RELN: variants seen among roughly 807,000 people sequenced by gnomAD.
The protein encoded by RELN is reelin.
A neutral mutation model predicts 427.6 loss-of-function variants in RELN; 108 were observed. That is an observed-to-expected ratio of 0.25 (90% CI 0.22 to 0.30). The LOEUF is 0.30. Ranked by LOEUF, RELN falls within the 10% of genes least tolerant of loss-of-function variation. The pLI is 1.00. For missense variants in RELN, 3,715 were observed against 4,302.8 expected, an observed-to-expected ratio of 0.86 and a Z score of 3.82; for synonymous variants, 1,524 against 1,513.4, an observed-to-expected ratio of 1.01 and a Z score of -0.16.
intron 10 of RELN, among the ~76,000 whole-genome samples, chr7:103,689,992 T>G (rs1224336175): frequency 2.0e-5 from 3 of 152,124 alleles, no homozygotes; most frequent in African/African-American, 7.2e-5. Context: ...ACATTGAGCA[T>G]CCAGGGTTTT....
chr7:103,989,083 G>A lies in RELN; in HGVS notation c.226+48C>T, dbSNP rs748895846. The A allele has an allele frequency of 6.6e-7, 1 of 1,519,568 alleles. No individual in the cohort carries two copies. The highest frequency in any genetic ancestry group is 9.1e-7 in the Non-Finnish European group (1 of 1,096,730). 94.1% of individuals were successfully genotyped at this position (1,519,568 alleles called of 1,614,324 possible). A position where few individuals can be genotyped will look rare whatever the true frequency, so the allele number is the denominator to read the frequency against. ...AGGAAAGGGATGAGAAAGGTGCGCTGGCGGGCGCACCCGGCGGCGGCGAGC... is the reference window on the plus strand; with the variant it reads ...AGGAAAGGGATGAGAAAGGTGCGCTAGCGGGCGCACCCGGCGGCGGCGAGC... On this transcript the variant is annotated intron_variant, in intron 1 of 64. Coordinates refer to ENST00000428762, the MANE Select transcript of RELN (RefSeq NM_005045.4). This position sits in a 1 kb window ranked among gnomAD's most constrained non-coding sequence, Gnocchi z 4.9.
chr7:103,657,651 G>A (rs998278162), intron 12 of RELN, among the ~76,000 whole-genome samples: 2 of 152,014 alleles, frequency 1.3e-5, no homozygotes, highest in Non-Finnish European at 2.9e-5. Flanking sequence ...GCCCAGAATG[G>A]CAGAAGAAAA....
intron 4 of RELN, among the ~76,000 whole-genome samples, chr7:103,773,436 T>TCTCTCCCTCGCTCCCTCC (rs1791654480): frequency 2.5e-5 from 3 of 120,864 alleles, no homozygotes; most frequent in East Asian, 2.8e-4. Context: ...CCTCTCTCTC[T>TCTCTCCCTCGCTCCCTCC]CTCTCTCTCC....
intron 16 of RELN, among the ~76,000 whole-genome samples, chr7:103,642,355 T>G (rs1286710019): frequency 6.7e-6 from 1 of 148,622 alleles, no homozygotes; most frequent in East Asian, 2.0e-4. Flanking sequence ...TAGTGTTTTT[T>G]TTTTTTTTTT....
intron 1 of RELN, among the ~76,000 whole-genome samples, chr7:103,957,347 G>A (rs1344488639): frequency 6.6e-6 from 1 of 152,166 alleles, no homozygotes; most frequent in Non-Finnish European, 1.5e-5. Context: ...ATGCAAAACA[G>A]AAAAATAAGA....
rs1254832442 is a variant in RELN at position 103,545,321 on chromosome 7, T to C, written c.6326A>G (p.Gln2109Arg). ...LCGSVRFRWY[Q>R]GFYPAGSQPV... ...CTGAGAGCCGGCAGGGTAAAATCCCTGGTACCATCTGAAACGGACAGATCT... is the reference window on the plus strand; with the variant it reads ...CTGAGAGCCGGCAGGGTAAAATCCCCGGTACCATCTGAAACGGACAGATCT... Residue 2109 changes from glutamine (Q) to arginine (R), a missense_variant, in exon 42 of 65, where the codon CAG becomes CGG. Physicochemically the swap from Gln to Arg is conservative, Grantham distance 43. Around this residue, in one of 4 missense-constraint regions of RELN, gnomAD observed 1,310 missense variants for 1,643.0 expected, o/e 0.80. Coordinates refer to ENST00000428762, the MANE Select transcript of RELN (RefSeq NM_005045.4). 2 of 1,613,594 alleles carry C rather than the reference T, an allele frequency of 1.2e-6. No homozygotes were observed. Among genetic ancestry groups the C allele is most frequent in the Non-Finnish European group, 1.7e-6 (2 of 1,179,612 alleles).
chr7:103,632,442 G>A (rs550465514), intron 19 of RELN, among the ~76,000 whole-genome samples: 15 of 152,258 alleles, frequency 9.9e-5, no homozygotes, highest in African/African-American at 3.6e-4. Flanking sequence ...GGCACAAGGA[G>A]GTTAAATAAT....
intron 7 of RELN, among the ~76,000 whole-genome samples, chr7:103,723,427 A>G (rs950211148): frequency 5.3e-5 from 8 of 152,160 alleles, no homozygotes; most frequent in Admixed American, 6.6e-5. Context: ...GACGGATAGC[A>G]TATTTCTCAA....
intron 2 of RELN, among the ~76,000 whole-genome samples, chr7:103,838,476 T>C (rs1165542022): frequency 1.3e-5 from 2 of 152,090 alleles, no homozygotes; most frequent in African/African-American, 2.4e-5. Context: ...TTAAGCTGAA[T>C]ACTGAGACAA....
intron 17 of RELN, among the ~76,000 whole-genome samples, chr7:103,638,279 G>A (rs1005599592): frequency 1.3e-5 from 2 of 152,056 alleles, no homozygotes; most frequent in African/African-American, 4.8e-5. Flanking sequence ...GATGACACTC[G>A]TGAAGAAAGG....
At chr7:103,669,241 T>C (rs1394242560) in intron 11 of RELN, among the ~76,000 whole-genome samples, 1 of 152,212 alleles carries the variant, frequency 6.6e-6, no homozygotes, top group Non-Finnish European at 1.5e-5. Flanking sequence ...AATGGGAAGT[T>C]TAGTCTACTT....
chr7:103,979,475 C>T (rs1796946330), intron 1 of RELN, among the ~76,000 whole-genome samples: 1 of 152,194 alleles, frequency 6.6e-6, no homozygotes, highest in African/African-American at 2.4e-5. Flanking sequence ...AGTTGCTCTG[C>T]TTTTTTTCTC....
At chr7:103,636,191 T>G in intron 18 of RELN, 44 bp downstream of exon 18, 1 of 1,241,854 alleles carries the variant, frequency 8.1e-7, no homozygotes, top group Non-Finnish European at 1.2e-6. Context: ...AAATTCAACA[T>G]TAGTATCTGG....
chr7:103,927,208 T>C (rs140437778), intron 1 of RELN, among the ~76,000 whole-genome samples: 44 of 152,292 alleles, frequency 2.9e-4, no homozygotes, highest in African/African-American at 9.9e-4. Context: ...GCTTATTCAT[T>C]TATTAAGCAA....
intron 22 of RELN, 145 bp from the exon 23 acceptor site, chr7:103,604,628 CA>C (rs1204005239): frequency 1.3e-6 from 1 of 779,162 alleles, no homozygotes; most frequent in African/African-American, 1.7e-5. Flanking sequence ...AATTTCCACT[CA>C]ATTATTGTCC....
chr7:103,514,343 A>G (rs1829504645), intron 50 of RELN, among the ~76,000 whole-genome samples: 1 of 151,914 alleles, frequency 6.6e-6, no homozygotes, highest in Non-Finnish European at 1.5e-5. Flanking sequence ...AGTGTCATGA[A>G]ATGAAAACAA....
intron 5 of RELN, 102 bp downstream of exon 5, chr7:103,753,080 G>A (rs1004153344): frequency 2.6e-5 from 30 of 1,150,290 alleles, no homozygotes; most frequent in Admixed American, 3.4e-5. Flanking sequence ...TGATCAGAGA[G>A]GACAGCTTCC....
At chr7:103,509,734 T>C (rs1476013917) in intron 51 of RELN, among the ~76,000 whole-genome samples, 1 of 151,940 alleles carries the variant, frequency 6.6e-6, no homozygotes, top group East Asian at 1.9e-4. Context: ...GGAGAAAAAT[T>C]TGCAATCTAT....
intron 12 of RELN, among the ~76,000 whole-genome samples, chr7:103,654,761 T>C (rs578218766): frequency 7.0e-4 from 106 of 152,212 alleles, no homozygotes; most frequent in African/African-American, 2.4e-3. Flanking sequence ...AGAAGGTACA[T>C]AGAGTATTTT....
Sources: allele counts gnomAD v4.1 joint callset (sites outside exome capture counted in the v4.1 genomes callset), GRCh38; gene constraint gnomAD v4.1.1; regional missense constraint gnomAD v4.1.1; non-coding constraint Gnocchi (gnomAD v3.1); transcripts MANE v1.5; gene names NCBI Gene and HGNC (gene_info 2026-07-23, HGNC 2026-07-21).